The following PIK3C2G variants were observed in gnomAD, a reference collection of about 807,000 sequenced individuals.
PIK3C2G encodes phosphatidylinositol-4-phosphate 3-kinase catalytic subunit type 2 gamma.
In PIK3C2G, 168 loss-of-function variants were observed where a neutral mutation model predicts 181.1. That is an observed-to-expected ratio of 0.93 (90% CI 0.82 to 1.05). PIK3C2G has a LOEUF of 1.05. Ranked by LOEUF, PIK3C2G falls within the 50% of genes least tolerant of loss-of-function variation. The pLI is 0.00. For synonymous variants in PIK3C2G, 573 were observed against 592.2 expected, an observed-to-expected ratio of 0.97 and a Z score of 0.47; for missense variants, 1,869 against 1,732.8, an observed-to-expected ratio of 1.08 and a Z score of -1.40.
the PIK3C2G span, among the ~76,000 whole-genome samples, chr12:18,682,480 A>G: frequency 6.6e-6 from 1 of 152,056 alleles, no homozygotes; most frequent in Non-Finnish European, 1.5e-5. Flanking sequence ...ATGACATTTA[A>G]TAAAGCAAAG....
chr12:18,701,013 C>T, the PIK3C2G span, among the ~76,000 whole-genome samples: 3 of 150,868 alleles, frequency 2.0e-5, no homozygotes, highest in African/African-American at 7.3e-5. Context: ...AACAGGATCT[C>T]TCATTCTGTT....
At chr12:18,429,474 C>T (rs1946031142) in intron 18 of PIK3C2G, among the ~76,000 whole-genome samples, 1 of 152,084 alleles carries the variant, frequency 6.6e-6, no homozygotes, top group Non-Finnish European at 1.5e-5. Flanking sequence ...TTTCCCTGAC[C>T]CTCTCCCAGC....
intron 31 of PIK3C2G, among the ~76,000 whole-genome samples, chr12:18,635,538 A>T (rs986666917): frequency 2.0e-5 from 3 of 152,194 alleles, no homozygotes; most frequent in Non-Finnish European, 4.4e-5. Context: ...TAGCAGGTCA[A>T]GAGCTATTTC....
intron 1 of PIK3C2G, among the ~76,000 whole-genome samples, chr12:18,272,671 G>A (rs1948793515): frequency 1.3e-5 from 2 of 150,800 alleles, no homozygotes; most frequent in African/African-American, 2.4e-5. Context: ...GTGCATGAAT[G>A]TGTGTCATGT....
chr12:18,560,805 A>T (rs374134326), intron 26 of PIK3C2G, among the ~76,000 whole-genome samples: 9 of 152,188 alleles, frequency 5.9e-5, no homozygotes, highest in African/African-American at 1.7e-4. Context: ...TATTTAAAAA[A>T]ATGACCCAGA....
chr12:18,329,272 A>G (rs1303977760), intron 8 of PIK3C2G, among the ~76,000 whole-genome samples: 1 of 152,042 alleles, frequency 6.6e-6, no homozygotes, highest in Non-Finnish European at 1.5e-5. Context: ...GTACTAAATT[A>G]TATAATACAT....
At chr12:18,469,977 T>A (rs984876863) in intron 18 of PIK3C2G, among the ~76,000 whole-genome samples, 2 of 151,628 alleles carry the variant, frequency 1.3e-5, no homozygotes, top group South Asian at 4.2e-4. Flanking sequence ...AACTTTGTCA[T>A]AGGCTTTAGA....
At chr12:18,364,315 G>C (rs1192637277) in intron 12 of PIK3C2G, among the ~76,000 whole-genome samples, 1 of 152,078 alleles carries the variant, frequency 6.6e-6, no homozygotes. Context: ...TGCCCATCTG[G>C]GAAACACATA....
chr12:18,458,445 TATGAATGTTGGATGAAGTTTTC>T, intron 18 of PIK3C2G, among the ~76,000 whole-genome samples: 1 of 152,124 alleles, frequency 6.6e-6, no homozygotes, highest in Non-Finnish European at 1.5e-5. Flanking sequence ...GTATATATTA[TATGAATGTTGGATGAAGTTTTC>T]AAATAATTCA....
At chr12:18,420,807 T>TC in intron 16 of PIK3C2G, 134 bp from the exon 17 acceptor site, 1 of 559,102 alleles carries the variant, frequency 1.8e-6, no homozygotes, top group South Asian at 2.4e-5. Flanking sequence ...GTGCTAATAT[T>TC]ACCTTAATCG....
intron 24 of PIK3C2G, among the ~76,000 whole-genome samples, chr12:18,537,097 T>G (rs1207805938): frequency 2.0e-5 from 3 of 152,090 alleles, no homozygotes; most frequent in Admixed American, 2.0e-4. Context: ...ATTGACGAAG[T>G]TGTAGCTTTC....
upstream of PIK3C2G, among the ~76,000 whole-genome samples, chr12:18,245,872 T>C (rs10505814): frequency 0.72 from 109,992 of 151,934 alleles, 40,076 homozygotes; most frequent in East Asian, 0.93. Context: ...ATTAGAGCAC[T>C]TAAATATTTT....
At chr12:18,464,708 T>C (rs1328807046) in intron 18 of PIK3C2G, among the ~76,000 whole-genome samples, 1 of 152,102 alleles carries the variant, frequency 6.6e-6, no homozygotes, top group Non-Finnish European at 1.5e-5. Flanking sequence ...GAATTGTATG[T>C]GTCTTCTGCA....
chr12:18,537,466 T>TA (rs112340542), intron 24 of PIK3C2G, among the ~76,000 whole-genome samples: 6,166 of 152,022 alleles, frequency 0.041, 282 homozygotes, highest in African/African-American at 0.11. Flanking sequence ...AATGACATGA[T>TA]AAAAAAACTG....
At chr12:18,521,714 A>G (rs1270161773) in intron 24 of PIK3C2G, among the ~76,000 whole-genome samples, 3 of 152,212 alleles carry the variant, frequency 2.0e-5, no homozygotes, top group East Asian at 3.9e-4. Flanking sequence ...GCTCTATCCC[A>G]GTGTCGACTG....
chr12:18,545,250 G>A (rs1944362102), intron 25 of PIK3C2G, among the ~76,000 whole-genome samples: 1 of 151,794 alleles, frequency 6.6e-6, no homozygotes, highest in South Asian at 2.1e-4. Context: ...TGTATGTCTT[G>A]CTTTCCTATA....
At chr12:18,280,686 A>T (rs542498532) in intron 1 of PIK3C2G, among the ~76,000 whole-genome samples, 3 of 152,040 alleles carry the variant, frequency 2.0e-5, no homozygotes, top group African/African-American at 7.2e-5. Flanking sequence ...CCACTGAAAA[A>T]CTATAACCAG....
At chr12:18,669,957 C>T in the PIK3C2G span, among the ~76,000 whole-genome samples, 5 of 152,022 alleles carry the variant, frequency 3.3e-5, no homozygotes, top group African/African-American at 1.2e-4. Context: ...TGTGAGCCAC[C>T]GCGCCCGGCC....
chr12:18,452,961 T>G (rs1284971544), intron 18 of PIK3C2G, among the ~76,000 whole-genome samples: 1 of 152,198 alleles, frequency 6.6e-6, no homozygotes, highest in African/African-American at 2.4e-5. Flanking sequence ...ATTTTGCATT[T>G]GCTGAGGAGT....
Sources: gnomAD v4.1 joint callset for allele counts (sites outside exome capture counted in the v4.1 genomes callset) on GRCh38, gnomAD v4.1.1 for gene constraint, MANE v1.5 for transcripts, NCBI Gene and HGNC (gene_info 2026-07-23, HGNC 2026-07-21) for gene names.